Variants in SLC5A6 observed in about 807,000 individuals in gnomAD.
The protein encoded by SLC5A6 is solute carrier family 5 member 6.
SLC5A6 carries 31 observed loss-of-function variants against 67.9 expected under a neutral mutation model. That is an observed-to-expected ratio of 0.46 (90% CI 0.34 to 0.62). SLC5A6 has a LOEUF of 0.62. SLC5A6 is among the 20% of genes least tolerant of loss of function. The pLI, the probability that SLC5A6 is intolerant of heterozygous loss-of-function variation, is 0.01. For missense variants in SLC5A6, 673 were observed against 812.8 expected, an observed-to-expected ratio of 0.83 and a Z score of 2.09; for synonymous variants, 343 against 331.0, an observed-to-expected ratio of 1.04 and a Z score of -0.39.
chr2:27,204,360 C>A (rs1247182103), intron 9 of SLC5A6, 101 bp downstream of exon 9: 1 of 1,369,958 alleles, frequency 7.3e-7, no homozygotes, highest in Non-Finnish European at 1.0e-6. Flanking sequence ...CCGTCTCCCA[C>A]CCAGGGTGGG....
intron 1 of SLC5A6, 65 bp downstream of exon 1, chr2:27,211,955 G>C: frequency 2.3e-6 from 1 of 442,070 alleles, no homozygotes. Flanking sequence ...CTGGCCGGGA[G>C]CCCGCGGGGG....
At chr2:27,210,981 G>A (rs1309452810) in intron 2 of SLC5A6, among the ~76,000 whole-genome samples, 1 of 152,094 alleles carries the variant, frequency 6.6e-6, no homozygotes, top group East Asian at 1.9e-4. Context: ...CCGAGATCGC[G>A]CCACTGCACT....
At position 27,200,461 on chromosome 2, in the gene SLC5A6, C is replaced by G. The variant is rs767996638; in HGVS notation, c.1883G>C (p.Cys628Ser). ...TCACAGGGAGGTCTCCTGGAGGATG[C>G]AGGTGGAGCTGCTCCCCTGATAGGC... ...GTAYQGSSST[C>S]ILQETSL The change falls in exon 17 of 17, where the codon TGC becomes TCC. Residue 628 changes from cysteine (C) to serine (S), a missense_variant. Coordinates refer to ENST00000310574, the MANE Select transcript of SLC5A6 (RefSeq NM_021095.4). The G allele has an allele frequency of 3.1e-6, 5 of 1,613,088 alleles. No individual in the cohort carries two copies. The East Asian group carries it at 1.1e-4, about 36-fold the overall frequency.
In SLC5A6 at chr2:27,212,115, G is replaced by C. The variant is rs562421855; in HGVS notation, c.-303C>G. 8.6e-3 allele frequency: 12,854 copies of C among 1,496,594 alleles called. 75 individuals carry two copies. Among genetic ancestry groups the C allele is most frequent in the Non-Finnish European group, 0.01 (11,688 of 1,126,212 alleles). 92.7% of individuals were successfully genotyped at this position (1,496,594 alleles called of 1,614,324 possible). ...GCTGAGGGAGTCTGCAGTCGGCTCC[G>C]GGAAGCCGCGCGGCGACGGGGGAGG... is the stretch of plus-strand genomic sequence containing the variant. On this transcript the variant is annotated 5_prime_UTR_variant, in exon 1 of 17. Transcript: ENST00000310574.
chr2:27,206,502 C>T lies in SLC5A6; in HGVS notation c.492G>A (p.Pro164=), dbSNP rs756507749. 23 of 1,614,000 alleles carry T rather than the reference C, an allele frequency of 1.4e-5. No homozygotes were observed. The East Asian group carries it at 2.0e-4, about 14-fold the overall frequency. The part of the protein sequence containing the change: ...VIYMGVVLYA[P]SLALNAVTGF... ...CCTCACCTGCATTGAGAGCCAATGA[C>T]GGAGCATAGAGCACAACTCCCATGT... The change falls in exon 5 of 17, where the codon CCG becomes CCA. Residue 164 remains proline, a synonymous_variant. Transcript: ENST00000310574.
At position 27,207,148 on chromosome 2, in the gene SLC5A6, C is replaced by G; in HGVS notation, c.393+110G>C. On this transcript the variant is annotated intron_variant, in intron 3 of 16. Coordinates refer to ENST00000310574, the MANE Select transcript of SLC5A6 (RefSeq NM_021095.4). This position sits in a 1 kb window ranked among gnomAD's most constrained non-coding sequence, Gnocchi z 5.5. ...ATAAACACACAATGAGTTTTCTGTC[C>G]CTCTCATTAGGTGGAGGAGGTCTAG... 1 of 1,197,170 alleles carries G rather than the reference C, an allele frequency of 8.4e-7. No homozygotes were observed. Among genetic ancestry groups the G allele is most frequent in the Middle Eastern group, 2.0e-4 (1 of 4,948 alleles). 74.2% of individuals were successfully genotyped at this position (1,197,170 alleles called of 1,614,324 possible). A position where few individuals can be genotyped will look rare whatever the true frequency, so the allele number is the denominator to read the frequency against.
At chr2:27,211,290 C>T (rs1674477639) in intron 2 of SLC5A6, among the ~76,000 whole-genome samples, 177 bp downstream of exon 2, 1 of 152,192 alleles carries the variant, frequency 6.6e-6, no homozygotes, top group Non-Finnish European at 1.5e-5. Flanking sequence ...CAGGCAGACA[C>T]CATGGGGGTA....
At chr2:27,202,111 A>T in intron 12 of SLC5A6, 37 bp from the exon 13 acceptor site, 1 of 1,478,872 alleles carries the variant, frequency 6.8e-7, no homozygotes, top group Non-Finnish European at 9.5e-7. Context: ...GAAAAAGAAC[A>T]CAGACTCAGA....
At chr2:27,202,513 A>AAAAAAAG (rs1673730112) in intron 12 of SLC5A6, among the ~76,000 whole-genome samples, 1 of 148,266 alleles carries the variant, frequency 6.7e-6, no homozygotes, top group African/African-American at 2.5e-5. Flanking sequence ...CAAAAAAAAA[A>AAAAAAAG]AAAAAAAAAA....
Position 27,201,051 on chromosome 2 carries a change from A to G in SLC5A6, c.1711T>C (p.Ser571Pro), listed in dbSNP as rs772060675. 5 of 1,613,786 alleles carry G rather than the reference A, an allele frequency of 3.1e-6. No homozygotes were observed. In the Admixed American group the frequency reaches 6.7e-5, roughly 22 times the overall value. Reference sequence around the variant, plus strand: ...TTCTGACAGGACAACGGAAGGAGGGACAGGAGCTTTGGCAACACTGGGTAA... The same window carrying G: ...TTCTGACAGGACAACGGAAGGAGGGGCAGGAGCTTTGGCAACACTGGGTAA... ...TIYPVLPKLLSLLPLSCQKRL... is the reference protein window; with the variant it reads ...TIYPVLPKLLPLLPLSCQKRL... The change falls in exon 16 of 17, where the codon TCC (serine) becomes CCC (proline). Residue 571 changes from serine (S) to proline (P), a missense_variant. Ser to Pro is a moderately conservative substitution (Grantham distance 74, BLOSUM62 -1). Transcript: ENST00000310574.
Position 27,204,485 on chromosome 2 carries a change from C to A in SLC5A6, c.981G>T (p.Gln327His). 1 of 1,613,814 alleles carries A rather than the reference C, an allele frequency of 6.2e-7. No homozygotes were observed. Among genetic ancestry groups the A allele is most frequent in the Non-Finnish European group, 8.5e-7 (1 of 1,179,824 alleles). The change falls in exon 9 of 17, where the codon CAG becomes CAT. Residue 327 changes from glutamine to histidine, a missense_variant. Gln to His is a conservative substitution (Grantham distance 24, BLOSUM62 0). Transcript: ENST00000310574. The stretch of plus-strand genomic sequence containing the variant: ...CCTGGTCTGGGGCTGCCTGAGCCTG[C>A]TGAATGCTCATGGGATACTCCTGGT... ...AYYQEYPMSI[Q>H]QAQAAPDQFV... is the part of the protein sequence containing the mutation.
intron 11 of SLC5A6, 26 bp downstream of exon 11, chr2:27,203,207 G>A: frequency 1.2e-6 from 2 of 1,613,830 alleles, no homozygotes; most frequent in Non-Finnish European, 8.5e-7. Flanking sequence ...GACCCAGACT[G>A]AAGAGATGAG....
chr2:27,201,751 G>A lies in SLC5A6; in HGVS notation c.1459C>T (p.Pro487Ser). The change falls in exon 14 of 17, where the codon CCC becomes TCC. Residue 487 changes from proline to serine, a missense_variant. Coordinates refer to ENST00000310574, the MANE Select transcript of SLC5A6 (RefSeq NM_021095.4). Reference sequence around the variant, plus strand: ...AGGGAGAAGCTGGACCCATTAGAGGGAGAGGGTGGCATGCTGGAGCCCATG... The same window carrying A: ...AGGGAGAAGCTGGACCCATTAGAGGAAGAGGGTGGCATGCTGGAGCCCATG... ...TSMGSSMPPS[P>S]SNGSSFSLPT... The A allele has an allele frequency of 1.9e-6, 3 of 1,614,164 alleles. No individual in the cohort carries two copies. The highest frequency in any genetic ancestry group is 2.5e-6 in the Non-Finnish European group (3 of 1,179,990).
chr2:27,203,794 A>AGG lies in SLC5A6; in HGVS notation c.1078_1079insCC (p.Phe360SerfsTer24). ...AAGTGGGTACCTGAGAGAGCCGCTG[A>AGG]AGAGGCAGGCAATGAAGAGCCCTGG... On this transcript the variant is annotated frameshift_variant, in exon 10 of 17. Coordinates refer to ENST00000310574, the MANE Select transcript of SLC5A6 (RefSeq NM_021095.4). LOFTEE classifies it high-confidence loss of function. 1 of 1,613,540 alleles carries AGG rather than the reference A, an allele frequency of 6.2e-7. No individual in the cohort carries two copies. The highest frequency in any genetic ancestry group is 1.1e-5 in the South Asian group (1 of 91,056).
chr2:27,203,026 AC>A, intron 11 of SLC5A6, 146 bp from the exon 12 acceptor site: 1 of 1,505,322 alleles, frequency 6.6e-7, no homozygotes, highest in East Asian at 2.3e-5. Flanking sequence ...GCTTCCTCCC[AC>A]CAAGTCCTCA....
chr2:27,210,435 C>A (rs1479914307), intron 2 of SLC5A6, among the ~76,000 whole-genome samples: 3 of 151,834 alleles, frequency 2.0e-5, no homozygotes, highest in East Asian at 3.9e-4. Flanking sequence ...GGGACCCCCC[C>A]CCCTTTTTTT....
chr2:27,202,503 CAAAAAAA>C (rs10638396), intron 12 of SLC5A6, among the ~76,000 whole-genome samples: 11 of 72,294 alleles, frequency 1.5e-4, no homozygotes, highest in Non-Finnish European at 1.9e-4. Flanking sequence ...GACTCTGTCT[CAAAAAAA>C]AAAAAAAAAA....
chr2:27,211,284 C>T (rs916831962), intron 2 of SLC5A6, among the ~76,000 whole-genome samples, 183 bp downstream of exon 2: 2 of 152,204 alleles, frequency 1.3e-5, no homozygotes, highest in African/African-American at 4.8e-5. Context: ...AACTTCCAGG[C>T]AGACACCATG....
At chr2:27,206,620 CA>C (rs1674088035) in intron 4 of SLC5A6, 86 bp from the exon 5 acceptor site, 3 of 1,275,192 alleles carry the variant, frequency 2.4e-6, no homozygotes, top group Non-Finnish European at 3.4e-6. Context: ...CCAATATGCC[CA>C]TGGCTTCCCC....
Sources: gnomAD v4.1 joint callset for allele counts (sites outside exome capture counted in the v4.1 genomes callset) on GRCh38, gnomAD v4.1.1 for gene constraint, Gnocchi (gnomAD v3.1) non-coding constraint, MANE v1.5 for transcripts, NCBI Gene and HGNC (gene_info 2026-07-23, HGNC 2026-07-21) for gene names.